SMUG1: variants seen among roughly 807,000 people sequenced by gnomAD.
The protein encoded by SMUG1 is single-strand-selective monofunctional uracil-DNA glycosylase 1.
SMUG1 carries 13 observed loss-of-function variants against 23.9 expected under a neutral mutation model. The observed-to-expected ratio is 0.54, with a 90% CI of 0.35 to 0.86. The LOEUF is 0.86. Among genes scored for constraint, SMUG1 ranks in the 40% least tolerant of loss-of-function variants. SMUG1 has a pLI of 0.01. For missense variants in SMUG1, 313 were observed against 339.5 expected, an observed-to-expected ratio of 0.92 and a Z score of 0.61; for synonymous variants, 133 against 139.8, an observed-to-expected ratio of 0.95 and a Z score of 0.34.
chr12:54,161,572 C>G (rs1389773404), downstream of SMUG1, among the ~76,000 whole-genome samples: 2 of 152,254 alleles, frequency 1.3e-5, no homozygotes, highest in Non-Finnish European at 2.9e-5. The surrounding 1 kb of genome is among the most constrained non-coding windows in gnomAD (Gnocchi z 4.2). Context: ...GCCTCTGCTT[C>G]TCTCTCCACT....
chr12:54,182,035 CT>C lies in SMUG1; in HGVS notation c.*60del, dbSNP rs1941177385. On this transcript the variant is annotated 3_prime_UTR_variant, in exon 4 of 4. Transcript: ENST00000682136. ...TCCAGTCCAGGAGATGTGTTGTCAT[CT>C]GCTTGGCCAAGAATGACTTCGAGGT... 1 of 1,513,330 alleles carries C rather than the reference CT, an allele frequency of 6.6e-7. No individual in the cohort carries two copies. The highest frequency in any genetic ancestry group is 8.8e-7 in the Non-Finnish European group (1 of 1,132,546). 93.7% of individuals were successfully genotyped at this position (1,513,330 alleles called of 1,614,324 possible). A position where few individuals can be genotyped will look rare whatever the true frequency, so the allele number is the denominator to read the frequency against.
At chr12:54,163,504 T>C (rs371334483), downstream of SMUG1, among the ~76,000 whole-genome samples, 18 of 152,310 alleles carry the variant, frequency 1.2e-4, no homozygotes, top group East Asian at 1.7e-3. Context: ...AAATAAAGTC[T>C]TGAGACTAGG....
chr12:54,170,544 G>T (rs80017403), intron 3 of SMUG1, among the ~76,000 whole-genome samples: 16,474 of 152,116 alleles, frequency 0.11, 1,111 homozygotes, highest in East Asian at 0.2. Context: ...CTTCCCTAAA[G>T]CCTCCTCCCT....
Position 54,182,474 on chromosome 12 carries a change from G to A in SMUG1, c.435C>T (p.Phe145=). The change falls in exon 4 of 4, where the codon TTC becomes TTT. Residue 145 remains phenylalanine (F), a synonymous_variant. Coordinates refer to ENST00000682136, the MANE Select transcript of SMUG1 (RefSeq NM_001243787.2). ...CCTCAGGCTGTCCACAGAGGTTCCG[G>A]AAAAAGCCCCAGAATCGGGCACCAC... The part of the protein sequence containing the change: ...EVSGARFWGF[F]RNLCGQPEVF... The A allele has an allele frequency of 6.2e-7, 1 of 1,614,002 alleles. No individual in the cohort carries two copies. Among genetic ancestry groups the A allele is most frequent in the Non-Finnish European group, 8.5e-7 (1 of 1,179,998 alleles).
intron 2 of SMUG1, 40 bp from the exon 3 acceptor site, chr12:54,183,999 C>A: frequency 6.9e-7 from 1 of 1,439,344 alleles, no homozygotes; most frequent in Non-Finnish European, 9.1e-7. Context: ...CAACCCTCAG[C>A]CACAGAGTAG....
At chr12:54,184,844 G>T (rs949414123) in intron 2 of SMUG1, among the ~76,000 whole-genome samples, 3 of 152,146 alleles carry the variant, frequency 2.0e-5, no homozygotes, top group Non-Finnish European at 4.4e-5. Context: ...CAAATACAAA[G>T]AATAATAATA....
Position 54,182,371 on chromosome 12 carries a change from C to G in SMUG1, c.538G>C (p.Ala180Pro). The G allele has an allele frequency of 6.2e-7, 1 of 1,614,164 alleles. No homozygotes were observed. The highest frequency in any genetic ancestry group is 1.1e-5 in the South Asian group (1 of 91,080). The change falls in exon 4 of 4, where the codon GCT becomes CCT. Residue 180 changes from alanine (A) to proline (P), a missense_variant. Transcript: ENST00000682136. The stretch of plus-strand genomic sequence containing the variant: ...TCTCGCTGCTTGGCAGGCAGCTCAG[C>G]AGGAGTAAGGTTGCGCCCGCTGGGA... Reference protein sequence around the residue: ...LAPSGRNLTPAELPAKQREQL... With the variant: ...LAPSGRNLTPPELPAKQREQL...
chr12:54,185,382 T>C (rs1942094771), intron 2 of SMUG1, among the ~76,000 whole-genome samples: 1 of 149,788 alleles, frequency 6.7e-6, no homozygotes, highest in Non-Finnish European at 1.5e-5. Context: ...CAGGGAGAAC[T>C]GCCTGAACCC....
rs1216551014 is a variant in SMUG1 at position 54,185,473 on chromosome 12, A to T, written c.-19-1514T>A. Among the ~76,000 whole-genome samples the T allele has an allele frequency of 4.1e-4, 37 of 90,086 alleles. 1 individual carries two copies. The highest frequency in any genetic ancestry group is 1.4e-3 in the African/African-American group (37 of 26,810). 59.1% of individuals were successfully genotyped at this position (90,086 alleles called of 152,430 possible). A position where few individuals can be genotyped will look rare whatever the true frequency, so the allele number is the denominator to read the frequency against. ...AAAGAGCAAGACTCCATCTCAAAAA[A>T]AAATAAAATAAAAAATAAATAAATA... On this transcript the variant is annotated intron_variant, in intron 2 of 3. Coordinates refer to ENST00000682136, the MANE Select transcript of SMUG1 (RefSeq NM_001243787.2).
At chr12:54,159,111 T>C (rs1316067157) in intron 4 of SMUG1, among the ~76,000 whole-genome samples, 1 of 152,176 alleles carries the variant, frequency 6.6e-6, no homozygotes. Context: ...GTTCAGGGAA[T>C]GCTGCCTGCC....
chr12:54,165,327 G>A (rs755966531), intron 4 of SMUG1: 8 of 152,160 alleles, frequency 5.3e-5, no homozygotes, highest in Non-Finnish European at 1.2e-4. Flanking sequence ...AATGTCTTCA[G>A]AGCACTTTTA....
intron 4 of SMUG1, among the ~76,000 whole-genome samples, chr12:54,159,208 C>T (rs1940150714): frequency 1.3e-5 from 2 of 152,154 alleles, no homozygotes; most frequent in South Asian, 2.1e-4. Context: ...AGCCCGGCGT[C>T]GAGCCCCCAG....
chr12:54,159,130 TG>T (rs1940145375), intron 4 of SMUG1, among the ~76,000 whole-genome samples: 1 of 152,140 alleles, frequency 6.6e-6, no homozygotes, highest in Non-Finnish European at 1.5e-5. Flanking sequence ...CCTCCAAGCC[TG>T]GCTGTAGTTC....
rs775158364 is a variant in SMUG1, at chr12:54,182,491, G to A, written c.418C>T (p.Arg140Ter). Residue 140 changes from arginine (R) to a stop codon, truncating the protein, a stop_gained, in exon 4 of 4, where the codon CGA (arginine) becomes TGA (stop). Coordinates refer to ENST00000682136, the MANE Select transcript of SMUG1 (RefSeq NM_001243787.2). LOFTEE classifies it high-confidence loss of function. ...ECPQSEVSGA[R>*]FWGFFRNLCG... ...AGGTTCCGGAAAAAGCCCCAGAATC[G>A]GGCACCACTCACTTCTGACTGTGGG... 7.4e-6 allele frequency: 12 copies of A among 1,613,880 alleles called. No individual in the cohort carries two copies. Among genetic ancestry groups the A allele is most frequent in the Admixed American group, 6.7e-5 (4 of 59,992 alleles).
At chr12:54,185,327 C>T (rs970977335) in intron 2 of SMUG1, among the ~76,000 whole-genome samples, 6 of 150,976 alleles carry the variant, frequency 4.0e-5, no homozygotes, top group Admixed American at 6.6e-5. Context: ...ATTAGCTGGG[C>T]GTTGTGGTGG....
intron 3 of SMUG1, among the ~76,000 whole-genome samples, chr12:54,165,662 A>T (rs1940431465): frequency 1.3e-5 from 2 of 152,248 alleles, no homozygotes; most frequent in African/African-American, 4.8e-5. Flanking sequence ...ACAGAGTAAG[A>T]CACTGTTTGT....
At position 54,171,018 on chromosome 12, in the gene SMUG1, C is replaced by T. The variant is rs138644449; in HGVS notation, c.*52+1007G>A. On this transcript the variant is annotated intron_variant and NMD_transcript_variant, in intron 3 of 4. Coordinates refer to the SMUG1 transcript ENST00000509864. ...TTCTTTCTTTTTTTTTTTTTTGAGA[C>T]GAAGTGTCATTCTGTCACCCATGCT... 1.0e-3 allele frequency among the ~76,000 whole-genome samples: 146 copies of T among 146,112 alleles called. 1 individual carries two copies. The highest frequency in any genetic ancestry group is 2.6e-3 in the Admixed American group (38 of 14,608).
chr12:54,181,950 A>G lies in SMUG1; in HGVS notation c.*146T>C. On this transcript the variant is annotated 3_prime_UTR_variant, in exon 4 of 4. Transcript: ENST00000682136. ...AAACTGCCATGGCAGGTTGGAAGAC[A>G]GTTCAACAGATCAAAGAATACGTTT... The G allele has an allele frequency of 1.3e-6, 2 of 1,489,096 alleles. No homozygotes were observed. Among genetic ancestry groups the G allele is most frequent in the Non-Finnish European group, 1.8e-6 (2 of 1,122,930 alleles). 92.2% of individuals were successfully genotyped at this position (1,489,096 alleles called of 1,614,324 possible). A position where few individuals can be genotyped will look rare whatever the true frequency, so the allele number is the denominator to read the frequency against.
Position 54,182,447 on chromosome 12 carries a change from G to C in SMUG1, c.462C>G (p.Val154=), listed in dbSNP as rs777098038. The C allele has an allele frequency of 2.1e-5, 34 of 1,614,182 alleles. No individual in the cohort carries two copies. The highest frequency in any genetic ancestry group is 2.8e-5 in the Non-Finnish European group (33 of 1,180,042). ...TGTGGACAAAACAGTGATGGAAGAA[G>C]ACCTCAGGCTGTCCACAGAGGTTCC... ...FFRNLCGQPE[V]FFHHCFVHNL... Residue 154 remains valine, a synonymous_variant, in exon 4 of 4, where the codon GTC becomes GTG. Coordinates refer to ENST00000682136, the MANE Select transcript of SMUG1 (RefSeq NM_001243787.2).
Sources: gnomAD v4.1 joint callset for allele counts (sites outside exome capture counted in the v4.1 genomes callset) on GRCh38, gnomAD v4.1.1 for gene constraint, Gnocchi (gnomAD v3.1) non-coding constraint, MANE v1.5 for transcripts, NCBI Gene and HGNC (gene_info 2026-07-23, HGNC 2026-07-21) for gene names.